TAOK1: variants seen among roughly 807,000 people sequenced by gnomAD.
TAOK1 encodes the protein serine/threonine-protein kinase TAO1.
Under a neutral mutation model 138.3 loss-of-function variants are expected in TAOK1, and 21 were observed. The observed-to-expected ratio is 0.15, with a 90% confidence interval of 0.11 to 0.22. TAOK1 has a LOEUF of 0.22. Among genes scored for constraint, TAOK1 ranks in the 10% least tolerant of loss-of-function variants. TAOK1 has a pLI of 1.00. For missense variants in TAOK1, 651 were observed against 1,227.7 expected (o/e 0.53, Z 7.02); for synonymous variants, 361 against 398.4 (o/e 0.91, Z 1.12).
intron 3 of TAOK1, among the ~76,000 whole-genome samples, chr17:29,471,199 C>T (rs996022719): frequency 1.6e-4 from 24 of 150,974 alleles, no homozygotes; most frequent in Non-Finnish European, 3.1e-4. Context: ...ACTGTAGTAC[C>T]GTAGTCCATT....
chr17:29,431,998 G>T (rs1243268709), intron 1 of TAOK1, among the ~76,000 whole-genome samples: 2 of 152,008 alleles, frequency 1.3e-5, no homozygotes, highest in African/African-American at 4.8e-5. Flanking sequence ...AGTAGAGATG[G>T]GTGCCGAGAC....
chr17:29,504,618 T>TG (rs1567737700), intron 13 of TAOK1, among the ~76,000 whole-genome samples: 2 of 151,258 alleles, frequency 1.3e-5, no homozygotes, highest in Non-Finnish European at 2.9e-5. Flanking sequence ...TGGAGTGAGC[T>TG]GAGATCGCAC....
chr17:29,478,400 C>T (rs2030990161), intron 6 of TAOK1, 53 bp downstream of exon 6: 2 of 1,238,246 alleles, frequency 1.6e-6, no homozygotes, highest in Non-Finnish European at 1.1e-6. Context: ...TTGCATATAC[C>T]AACTTTAGAA....
Position 29,468,135 on chromosome 17 carries a change from A to ATTTTTTTTTTTTTTTTTTTTTTTTTTTT in TAOK1, c.204+936_204+937insTTTTTTTTTTTTTTTTTTTTTTTTTTTT, listed in dbSNP as rs761962930. Among the ~76,000 whole-genome samples, 620 of 75,958 alleles carry ATTTTTTTTTTTTTTTTTTTTTTTTTTTT rather than the reference A, an allele frequency of 8.2e-3. 110 individuals are homozygous for ATTTTTTTTTTTTTTTTTTTTTTTTTTTT. Among genetic ancestry groups the ATTTTTTTTTTTTTTTTTTTTTTTTTTTT allele is most frequent in the Middle Eastern group, 0.027 (3 of 110 alleles). 49.8% of individuals were successfully genotyped at this position (75,958 alleles called of 152,430 possible). ...AACCACTGTGCTTGGCCTGCTTTCA[A>ATTTTTTTTTTTTTTTTTTTTTTTTTTTT]TTTTTTTTTTTTTTTTTAGGAGCTG... On this transcript the variant is annotated intron_variant, in intron 3 of 19. Coordinates refer to ENST00000261716, the MANE Select transcript of TAOK1 (RefSeq NM_020791.4).
At chr17:29,408,224 T>G (rs1194301407) in intron 1 of TAOK1, among the ~76,000 whole-genome samples, 1 of 146,632 alleles carries the variant, frequency 6.8e-6, no homozygotes, top group Non-Finnish European at 1.5e-5. Flanking sequence ...GCCATAAGGT[T>G]TTTTTTTTTT....
intron 19 of TAOK1, among the ~76,000 whole-genome samples, chr17:29,541,081 C>T (rs966955013): frequency 4.5e-4 from 63 of 139,892 alleles, no homozygotes; most frequent in Non-Finnish European, 4.1e-4. Context: ...TTTGTATTTG[C>T]TTCCCATGAA....
intron 10 of TAOK1, 37 bp from the exon 11 acceptor site, chr17:29,495,523 A>G (rs1266531623): frequency 6.7e-7 from 1 of 1,493,868 alleles, no homozygotes; most frequent in South Asian, 1.4e-5. Context: ...TCACTAATTG[A>G]AAAAAAAATC....
chr17:29,439,194 T>A (rs1906132794), intron 1 of TAOK1, among the ~76,000 whole-genome samples: 1 of 127,882 alleles, frequency 7.8e-6, no homozygotes, highest in Admixed American at 8.3e-5. Flanking sequence ...CATGATAATT[T>A]CTTTCTTTTT....
chr17:29,532,179 T>C (rs2032127061), intron 18 of TAOK1, among the ~76,000 whole-genome samples: 1 of 152,040 alleles, frequency 6.6e-6, no homozygotes, highest in African/African-American at 2.4e-5. Context: ...CCTTTCAAAA[T>C]GAAAACACCA....
chr17:29,515,951 G>GCATT (rs1844654512), intron 15 of TAOK1, among the ~76,000 whole-genome samples: 1 of 151,792 alleles, frequency 6.6e-6, no homozygotes, highest in African/African-American at 2.4e-5. Context: ...TTTTATGTAT[G>GCATT]TATTTATTTA....
intron 18 of TAOK1, among the ~76,000 whole-genome samples, chr17:29,533,831 G>GAA (rs1211613559): frequency 6.4e-4 from 74 of 116,124 alleles, no homozygotes; most frequent in South Asian, 1.4e-3. Context: ...GGAGACCGTG[G>GAA]GGAGAGGGAG....
rs1038179077 is a variant in TAOK1, at chr17:29,489,823, A to G, written c.749+66A>G. On this transcript the variant is annotated intron_variant, in intron 9 of 19. Coordinates refer to ENST00000261716, the MANE Select transcript of TAOK1 (RefSeq NM_020791.4). ...ATGAAATGCTTTTTCATAATCTGTT[A>G]TCAAAGTGATTTAATTTCAGTTAGG... The G allele has an allele frequency of 2.5e-6, 3 of 1,183,924 alleles. No homozygotes were observed. The African/African-American group carries it at 4.8e-5, about 19-fold the overall frequency. 73.3% of individuals were successfully genotyped at this position (1,183,924 alleles called of 1,614,324 possible). A position where few individuals can be genotyped will look rare whatever the true frequency, so the allele number is the denominator to read the frequency against.
At chr17:29,519,490 G>A (rs1429662302) in intron 16 of TAOK1, among the ~76,000 whole-genome samples, 1 of 150,668 alleles carries the variant, frequency 6.6e-6, no homozygotes, top group Non-Finnish European at 1.5e-5. Flanking sequence ...CTGCACTCCG[G>A]TCTGGGCGAC....
chr17:29,458,282 A>AT (rs2030443284), intron 2 of TAOK1, among the ~76,000 whole-genome samples: 1 of 152,236 alleles, frequency 6.6e-6, no homozygotes, highest in Non-Finnish European at 1.5e-5. Flanking sequence ...TTCAGTAAAT[A>AT]TCAAGGATGG....
intron 1 of TAOK1, among the ~76,000 whole-genome samples, chr17:29,413,583 G>A (rs1905195135): frequency 6.6e-6 from 1 of 152,096 alleles, no homozygotes. Context: ...GTGACAGAGT[G>A]AGACCCTGTC....
chr17:29,515,576 G>A (rs960726741), intron 15 of TAOK1, among the ~76,000 whole-genome samples: 3 of 152,010 alleles, frequency 2.0e-5, no homozygotes, highest in Non-Finnish European at 4.4e-5. Flanking sequence ...TGGCTCACAC[G>A]TGTAATCCCA....
chr17:29,409,451 C>T (rs1905089829), intron 1 of TAOK1, among the ~76,000 whole-genome samples: 2 of 150,880 alleles, frequency 1.3e-5, no homozygotes, highest in Admixed American at 1.3e-4. Flanking sequence ...TCTCCTGCCT[C>T]AGCCTCTCGA....
At chr17:29,458,340 C>T (rs1177362150) in intron 2 of TAOK1, among the ~76,000 whole-genome samples, 1 of 152,086 alleles carries the variant, frequency 6.6e-6, no homozygotes, top group Non-Finnish European at 1.5e-5. Flanking sequence ...TAATCAATTC[C>T]CAGATGTTTT....
At chr17:29,475,219 G>A (rs113595120) in intron 3 of TAOK1, among the ~76,000 whole-genome samples, 12 of 152,270 alleles carry the variant, frequency 7.9e-5, no homozygotes, top group African/African-American at 2.9e-4. Flanking sequence ...GATTACAGGC[G>A]TGAGCCACTG....
Sources: allele counts gnomAD v4.1 joint callset (sites outside exome capture counted in the v4.1 genomes callset), GRCh38; gene constraint gnomAD v4.1.1; transcripts MANE v1.5; gene names NCBI Gene and HGNC (gene_info 2026-07-23, HGNC 2026-07-21).